Variants in SPATA16 observed in about 807,000 individuals in gnomAD.
SPATA16 encodes spermatogenesis associated 16, also known as spermatogenesis-associated protein 16.
A neutral mutation model predicts 63.3 loss-of-function variants in SPATA16; 36 were observed. The observed-to-expected ratio is 0.57, with a 90% CI of 0.44 to 0.75. The LOEUF is 0.75. SPATA16 is among the 30% of genes least tolerant of loss of function. SPATA16 has a pLI of 0.00. For missense variants in SPATA16, 646 were observed against 679.3 expected (o/e 0.95, Z 0.54); for synonymous variants, 203 against 216.7 (o/e 0.94, Z 0.56).
At chr3:173,020,857 T>G (rs1331178660) in intron 3 of SPATA16, among the ~76,000 whole-genome samples, 1 of 152,212 alleles carries the variant, frequency 6.6e-6, no homozygotes, top group Non-Finnish European at 1.5e-5. Context: ...TGTGAGCCTA[T>G]TTTTACAAGT....
At chr3:172,972,994 C>T (rs1309836081) in intron 5 of SPATA16, among the ~76,000 whole-genome samples, 1 of 152,132 alleles carries the variant, frequency 6.6e-6, no homozygotes, top group Non-Finnish European at 1.5e-5. Context: ...TTCATGCTGA[C>T]CCATCTGAGA....
At position 173,117,714 on chromosome 3, in the gene SPATA16, A is replaced by G. The variant is rs777519094; in HGVS notation, c.18T>C (p.Ser6=). ...TATTCACTGCATTCTCCAAACTCCT[A>G]CTGCTTCCTGCATCCATCGATCCTG... is the stretch of plus-strand genomic sequence containing the variant. The part of the protein sequence containing the change: MDAGS[S]RSLENAVNRI... The change falls in exon 2 of 11, where the codon AGT becomes AGC. Residue 6 remains serine (S), a synonymous_variant. Transcript: ENST00000351008. 1.2e-6 allele frequency: 2 copies of G among 1,614,166 alleles called. No homozygotes were observed. The highest frequency in any genetic ancestry group is 4.5e-5 in the East Asian group (2 of 44,874).
chr3:172,891,119 T>C (rs775258733), intron 10 of SPATA16, among the ~76,000 whole-genome samples: 3 of 152,062 alleles, frequency 2.0e-5, no homozygotes, highest in African/African-American at 4.8e-5. Context: ...AATAGTTGAG[T>C]TGATGATTCA....
intron 2 of SPATA16, among the ~76,000 whole-genome samples, chr3:173,095,305 A>G (rs1398451737): frequency 6.6e-6 from 1 of 152,224 alleles, no homozygotes; most frequent in East Asian, 1.9e-4. Flanking sequence ...AAAGCAAACC[A>G]GAGTTAAAAC....
In SPATA16 at chr3:172,908,786, C is replaced by T. The variant is rs1174677369; in HGVS notation, c.1587+4875G>A. On this transcript the variant is annotated intron_variant, in intron 10 of 10. Coordinates refer to ENST00000351008, the MANE Select transcript of SPATA16 (RefSeq NM_031955.6). ...ATAACAGATCTCAGAGGTGGTGATG[C>T]TGATATCAACTTCTACTGGGCTCAG... Among the ~76,000 whole-genome samples, 7 of 151,706 alleles carry T rather than the reference C, an allele frequency of 4.6e-5. No homozygotes were observed. In the East Asian group the frequency reaches 1.4e-3, roughly 29 times the overall value.
intron 3 of SPATA16, among the ~76,000 whole-genome samples, chr3:173,035,625 C>T (rs1560103215): frequency 6.6e-6 from 1 of 151,988 alleles, no homozygotes; most frequent in Non-Finnish European, 1.5e-5. Flanking sequence ...ATAATGGAAA[C>T]ACTTTTAAAG....
At chr3:173,026,705 A>G (rs1735461590) in intron 3 of SPATA16, among the ~76,000 whole-genome samples, 2 of 151,982 alleles carry the variant, frequency 1.3e-5, no homozygotes, top group South Asian at 4.1e-4. Context: ...AATAACCTTG[A>G]CATGATTATC....
chr3:173,114,764 T>C (rs1433960296), intron 2 of SPATA16, among the ~76,000 whole-genome samples: 1 of 152,190 alleles, frequency 6.6e-6, no homozygotes, highest in African/African-American at 2.4e-5. Context: ...ATGTTAGGAC[T>C]TAAGGAAAAG....
chr3:173,035,347 G>A lies in SPATA16; in HGVS notation c.758+13602C>T, dbSNP rs377060618. Among the ~76,000 whole-genome samples, 16 of 152,198 alleles carry A rather than the reference G, an allele frequency of 1.1e-4. 1 individual carries two copies. The highest frequency in any genetic ancestry group is 3.9e-4 in the East Asian group (2 of 5,178). ...AAAGGGCTAATCTGGAAAGAAATCC[G>A]AAGAAAGTGAGTTTTGAGCTGCCTT... On this transcript the variant is annotated intron_variant, in intron 3 of 10. Coordinates refer to ENST00000351008, the MANE Select transcript of SPATA16 (RefSeq NM_031955.6).
intron 1 of SPATA16, among the ~76,000 whole-genome samples, chr3:173,123,879 C>T (rs1738155438): frequency 6.6e-6 from 1 of 152,132 alleles, no homozygotes; most frequent in African/African-American, 2.4e-5. Context: ...GCTGGGATTA[C>T]AGACATAAGC....
At chr3:172,901,339 A>G (rs1732122791) in intron 10 of SPATA16, among the ~76,000 whole-genome samples, 1 of 152,190 alleles carries the variant, frequency 6.6e-6, no homozygotes, top group Non-Finnish European at 1.5e-5. Flanking sequence ...AGCTGGGACT[A>G]CAGGCATGTG....
intron 10 of SPATA16, among the ~76,000 whole-genome samples, chr3:172,907,863 C>T (rs1290315147): frequency 6.6e-6 from 1 of 152,158 alleles, no homozygotes; most frequent in Non-Finnish European, 1.5e-5. Flanking sequence ...CAGACGTGAG[C>T]CACCGTGCCC....
intron 3 of SPATA16, among the ~76,000 whole-genome samples, chr3:173,031,679 T>A (rs1735611823): frequency 1.3e-5 from 2 of 152,090 alleles, no homozygotes; most frequent in Non-Finnish European, 2.9e-5. Flanking sequence ...TATGCAACAG[T>A]GCTGTCACTA....
At chr3:172,911,510 A>G (rs1732372030) in intron 10 of SPATA16, among the ~76,000 whole-genome samples, 2 of 152,196 alleles carry the variant, frequency 1.3e-5, no homozygotes, top group African/African-American at 4.8e-5. Flanking sequence ...TTGCTTCTTC[A>G]GTTACCTAAT....
chr3:173,108,513 TGTAAAAATACCAA>T (rs1164927022), intron 2 of SPATA16, among the ~76,000 whole-genome samples: 2 of 152,180 alleles, frequency 1.3e-5, no homozygotes, highest in Admixed American at 6.5e-5. Context: ...AACCTGGGAT[TGTAAAAATACCAA>T]TGTTCCAGGA....
intron 5 of SPATA16, among the ~76,000 whole-genome samples, chr3:172,973,287 A>G (rs748120835): frequency 6.6e-5 from 10 of 152,076 alleles, no homozygotes; most frequent in Non-Finnish European, 1.2e-4. Context: ...GTTTATGACT[A>G]TTGTTCTAGG....
intron 3 of SPATA16, among the ~76,000 whole-genome samples, chr3:173,022,924 A>C (rs1199513483): frequency 2.0e-5 from 3 of 152,044 alleles, no homozygotes; most frequent in African/African-American, 4.8e-5. Context: ...GAAGAAAAGG[A>C]GTTAGTAATG....
chr3:173,124,932 C>A (rs1158871241), intron 1 of SPATA16, among the ~76,000 whole-genome samples: 1 of 152,112 alleles, frequency 6.6e-6, no homozygotes, highest in African/African-American at 2.4e-5. Context: ...TCATACATAC[C>A]TAACTACCCG....
chr3:173,027,914 C>G (rs1367514868), intron 3 of SPATA16, among the ~76,000 whole-genome samples: 1 of 149,220 alleles, frequency 6.7e-6, no homozygotes. Context: ...TATCACTACC[C>G]CAGGTACTTT....
Sources: gnomAD v4.1 joint callset for allele counts (sites outside exome capture counted in the v4.1 genomes callset) on GRCh38, gnomAD v4.1.1 for gene constraint, MANE v1.5 for transcripts, NCBI Gene and HGNC (gene_info 2026-07-23, HGNC 2026-07-21) for gene names.